Variants in TM4SF4 observed in about 807,000 individuals in gnomAD.
TM4SF4 encodes the protein transmembrane 4 L6 family member 4.
Under a neutral mutation model 24.1 loss-of-function variants are expected in TM4SF4, and 24 were observed. The ratio of observed to expected loss-of-function variants is 1.00; its 90% CI spans 0.72 to 1.40. TM4SF4 has a LOEUF of 1.40. Among genes scored for constraint, TM4SF4 ranks in the 40% most tolerant of loss-of-function variants. The probability of loss-of-function intolerance (pLI) is 0.00; values close to 1 mark genes in which losing one functional copy is unlikely to be tolerated. For missense variants in TM4SF4, 254 were observed against 254.2 expected, an observed-to-expected ratio of 1.00 and a Z score of 0.01; for synonymous variants, 113 against 97.0, an observed-to-expected ratio of 1.17 and a Z score of -0.97.
At chr3:149,481,018 G>A (rs1014516318) in intron 2 of TM4SF4, among the ~76,000 whole-genome samples, 1 of 151,882 alleles carries the variant, frequency 6.6e-6, no homozygotes, top group Admixed American at 6.6e-5. Flanking sequence ...CGGCCACCAC[G>A]CCCAGCTAAT....
chr3:149,497,430 G>T (rs1366344849), intron 3 of TM4SF4, among the ~76,000 whole-genome samples: 1 of 152,148 alleles, frequency 6.6e-6, no homozygotes, highest in Non-Finnish European at 1.5e-5. Context: ...TTCTGTGAAG[G>T]TTATCATAAA....
At chr3:149,498,604 C>T (rs1429514543) in intron 3 of TM4SF4, 118 bp from the exon 4 acceptor site, 11 of 853,396 alleles carry the variant, frequency 1.3e-5, no homozygotes, top group South Asian at 6.7e-5. Flanking sequence ...AGTATTTTCT[C>T]GTGAAGCTAG....
intron 2 of TM4SF4, among the ~76,000 whole-genome samples, chr3:149,481,574 A>G (rs1227592157): frequency 6.6e-6 from 1 of 152,192 alleles, no homozygotes; most frequent in Admixed American, 6.5e-5. Context: ...CACTTCAGGT[A>G]ATCTCTATTC....
Position 149,498,914 on chromosome 3 carries a change from A to T in TM4SF4, c.591+3A>T. ...GCCAGTGTTGTGGCTGCTGTGGGGT[A>T]AGTTCAGGCTTTTGCTGTTTCTTCT... On this transcript the variant is annotated splice_donor_region_variant and intron_variant, in intron 4 of 4. Transcript: ENST00000305354. 6.2e-7 allele frequency: 1 copy of T among 1,613,640 alleles called. No homozygotes were observed. Among genetic ancestry groups the T allele is most frequent in the East Asian group, 2.2e-5 (1 of 44,872 alleles).
Position 149,482,025 on chromosome 3 carries a change from G to A in TM4SF4, c.265-5594G>A, listed in dbSNP as rs34115932. On this transcript the variant is annotated intron_variant, in intron 2 of 4. Transcript: ENST00000305354. ...GTCATGGGAAATTATCCAAACCTTG[G>A]GAACAGGAAAAATAATTCTAGGTGT... Among the ~76,000 whole-genome samples, 902 of 152,234 alleles carry A rather than the reference G, an allele frequency of 5.9e-3. 7 individuals are homozygous for A. The highest frequency in any genetic ancestry group is 0.02 in the African/African-American group (850 of 41,516).
rs565705893 is a variant in TM4SF4 at position 149,500,114 on chromosome 3, A to G, written c.591+1203A>G. On this transcript the variant is annotated intron_variant, in intron 4 of 4. Transcript: ENST00000305354. The stretch of plus-strand genomic sequence containing the variant: ...CTCTTTTTATTATTTTATTCTCCCT[A>G]TCTTAAAAGAATGTTTCCCCCAAAA... Among the ~76,000 whole-genome samples, 27 of 152,146 alleles carry G rather than the reference A, an allele frequency of 1.8e-4. No individual in the cohort carries two copies. The East Asian group carries it at 4.8e-3, about 27-fold the overall frequency.
chr3:149,475,771 G>C, intron 1 of TM4SF4, 52 bp from the exon 2 acceptor site: 3 of 1,502,778 alleles, frequency 2.0e-6, no homozygotes, highest in Non-Finnish European at 1.8e-6. Flanking sequence ...GGCAGGCTCG[G>C]GCCCTCCCTT....
chr3:149,487,567 G>A (rs1734140256), intron 2 of TM4SF4, 52 bp from the exon 3 acceptor site: 2 of 1,609,092 alleles, frequency 1.2e-6, no homozygotes, highest in Non-Finnish European at 1.7e-6. Context: ...TTTGTTGAGT[G>A]TATCCTCTGG....
At chr3:149,488,002 G>A (rs1734148963) in intron 3 of TM4SF4, among the ~76,000 whole-genome samples, 1 of 152,202 alleles carries the variant, frequency 6.6e-6, no homozygotes, top group Non-Finnish European at 1.5e-5. Context: ...TTGGCCTGAG[G>A]GAAGGAAGAG....
At chr3:149,489,661 G>A (rs1309329809) in intron 3 of TM4SF4, among the ~76,000 whole-genome samples, 1 of 152,136 alleles carries the variant, frequency 6.6e-6, no homozygotes, top group East Asian at 1.9e-4. Flanking sequence ...AACGACTTTT[G>A]GAAGTTCTTC....
intron 2 of TM4SF4, among the ~76,000 whole-genome samples, chr3:149,485,892 GA>G (rs1734107779): frequency 6.6e-6 from 1 of 152,204 alleles, no homozygotes; most frequent in Non-Finnish European, 1.5e-5. Flanking sequence ...ACAGGGGTTG[GA>G]AGAGATGAAG....
At chr3:149,476,802 G>T (rs13089449) in intron 2 of TM4SF4, among the ~76,000 whole-genome samples, 1,090 of 51,290 alleles carry the variant, frequency 0.021, 50 homozygotes, top group Middle Eastern at 0.048. Flanking sequence ...GTTTTTTTTT[G>T]TTTTTGTTTT....
chr3:149,475,681 C>G (rs1044243342), intron 1 of TM4SF4, 142 bp from the exon 2 acceptor site: 6 of 680,220 alleles, frequency 8.8e-6, no homozygotes, highest in Non-Finnish European at 1.6e-5. Context: ...TCCATTACCC[C>G]TCCAGCCATG....
chr3:149,480,757 G>GA lies in TM4SF4; in HGVS notation c.264+4854dup, dbSNP rs531434248. On this transcript the variant is annotated intron_variant, in intron 2 of 4. Transcript: ENST00000305354. ...TTTAGAGAAATGGAATATATTGAAA[G>GA]AAAAAAAAATAAAGTATGGAATTTT... Among the ~76,000 whole-genome samples the GA allele has an allele frequency of 4.0e-5, 6 of 150,096 alleles. No homozygotes were observed. In the East Asian group the frequency reaches 5.8e-4, roughly 15 times the overall value.
At chr3:149,491,295 C>CAAAA (rs34935957) in intron 3 of TM4SF4, among the ~76,000 whole-genome samples, 25 of 125,718 alleles carry the variant, frequency 2.0e-4, no homozygotes, top group African/African-American at 4.4e-4. Context: ...CGCCCCTCTA[C>CAAAA]AAAAAAAAAA....
intron 2 of TM4SF4, among the ~76,000 whole-genome samples, chr3:149,477,141 A>G (rs1433101263): frequency 6.6e-6 from 1 of 152,078 alleles, no homozygotes; most frequent in African/African-American, 2.4e-5. Context: ...CCTTTCTAAC[A>G]AAGAGAGGAC....
At chr3:149,495,381 T>G (rs1357344196) in intron 3 of TM4SF4, 1 of 327,900 alleles carries the variant, frequency 3.0e-6, no homozygotes, top group Non-Finnish European at 6.2e-6. Context: ...AGCCCTTGCA[T>G]CTGCCCCTCC....
chr3:149,478,717 G>A (rs73152634), intron 2 of TM4SF4, among the ~76,000 whole-genome samples: 39,295 of 152,132 alleles, frequency 0.26, 5,502 homozygotes, highest in Non-Finnish European at 0.31. Flanking sequence ...CCACATGCTG[G>A]GTAGCCAGCA....
intron 3 of TM4SF4, 126 bp downstream of exon 3, chr3:149,487,881 T>C: frequency 3.0e-6 from 4 of 1,339,622 alleles, no homozygotes; most frequent in Non-Finnish European, 4.1e-6. Flanking sequence ...CGGTGCTCCT[T>C]TGAGGCAGAG....
Sources: allele counts gnomAD v4.1 joint callset (sites outside exome capture counted in the v4.1 genomes callset), GRCh38; gene constraint gnomAD v4.1.1; transcripts MANE v1.5; gene names NCBI Gene and HGNC (gene_info 2026-07-23, HGNC 2026-07-21).